Variants in ADGRV1 observed in about 807,000 individuals in gnomAD.
The protein encoded by ADGRV1 is adhesion G protein-coupled receptor V1, also known as G-protein coupled receptor 98.
In ADGRV1, 359 loss-of-function variants were observed where a neutral mutation model predicts 596.2. The observed-to-expected ratio is 0.60, with a 90% CI of 0.55 to 0.66. The LOEUF (loss-of-function observed/expected upper bound fraction) is 0.66. ADGRV1 is among the 30% of genes least tolerant of loss of function. ADGRV1 has a pLI of 0.00. For missense variants in ADGRV1, 7,274 were observed against 7,575.6 expected (o/e 0.96, Z 1.48); for synonymous variants, 2,681 against 2,679.2 (o/e 1.00, Z -0.02).
At chr5:90,594,485 C>CTTTT (rs569370594) in intron 1 of ADGRV1, among the ~76,000 whole-genome samples, 7 of 108,294 alleles carry the variant, frequency 6.5e-5, no homozygotes, top group South Asian at 5.9e-4. Context: ...TCTGGCAGTT[C>CTTTT]TTTTTTTTTT....
intron 85 of ADGRV1, among the ~76,000 whole-genome samples, chr5:91,046,973 C>T (rs186535806): frequency 1.8e-4 from 28 of 152,272 alleles, no homozygotes; most frequent in African/African-American, 6.0e-4. Flanking sequence ...GCAATACCAC[C>T]TTACTCCTAG....
chr5:90,662,885 C>G (rs1361430265), intron 21 of ADGRV1, among the ~76,000 whole-genome samples: 1 of 151,682 alleles, frequency 6.6e-6, no homozygotes, highest in Non-Finnish European at 1.5e-5. Flanking sequence ...TCTTGCGATA[C>G]TTTACTGAGA....
intron 85 of ADGRV1, among the ~76,000 whole-genome samples, chr5:91,012,897 C>T (rs148074132): frequency 2.0e-5 from 3 of 152,068 alleles, no homozygotes; most frequent in African/African-American, 2.4e-5. Flanking sequence ...CAAGTAGACA[C>T]CAATGTCTGT....
At chr5:90,967,137 A>G (rs1274230732) in intron 84 of ADGRV1, among the ~76,000 whole-genome samples, 1 of 152,132 alleles carries the variant, frequency 6.6e-6, no homozygotes, top group East Asian at 1.9e-4. Context: ...GAAGAAGAGA[A>G]CTGAACTATT....
chr5:90,995,398 G>A (rs2151087183), intron 85 of ADGRV1, among the ~76,000 whole-genome samples: 1 of 152,280 alleles, frequency 6.6e-6, no homozygotes, highest in Admixed American at 6.5e-5. Context: ...GTGCCAGAGT[G>A]TACCCAGAAT....
rs373766790 is a variant in ADGRV1 at position 91,119,485 on chromosome 5, C to T, written c.18432+17145C>T. Among the ~76,000 whole-genome samples the T allele has an allele frequency of 4.8e-4, 73 of 152,308 alleles. 2 individuals are homozygous for T. The South Asian group carries it at 0.015, about 31-fold the overall frequency. On this transcript the variant is annotated intron_variant, in intron 87 of 89. Transcript: ENST00000405460. ...TTTTGCCTCTGTGTTACCAACTTAT[C>T]GCCTACCCCCATGGTGGCTTTCATG...
At position 90,778,436 on chromosome 5, in the gene ADGRV1, G is replaced by A. The variant is rs747891433; in HGVS notation, c.12676G>A (p.Asp4226Asn). 2.4e-5 allele frequency: 38 copies of A among 1,612,124 alleles called. No individual in the cohort carries two copies. Among genetic ancestry groups the A allele is most frequent in the Middle Eastern group, 3.3e-4 (2 of 6,076 alleles). The change falls in exon 63 of 90, where the codon GAT (aspartate) becomes AAT (asparagine). Residue 4226 changes from aspartate to asparagine, a missense_variant. Asp to Asn is a conservative substitution (Grantham distance 23). This residue lies in a region of ADGRV1 where 3,643 missense variants were observed against 3,809.2 expected (regional missense o/e 0.96). Transcript: ENST00000405460. ...CTTTGTCTTTTTCTAGGCTTTGAAC[G>A]ATGACATTCCCGAGGAAAAAAGCTT... ...AVIVVIQALNDDIPEEKSFYE... is the reference protein window; with the variant it reads ...AVIVVIQALNNDIPEEKSFYE...
At chr5:90,594,647 G>C (rs1242870420) in intron 1 of ADGRV1, among the ~76,000 whole-genome samples, 1 of 148,872 alleles carries the variant, frequency 6.7e-6, no homozygotes, top group Non-Finnish European at 1.5e-5. Context: ...CACAGCGTTT[G>C]TGTCCCTGGG....
intron 77 of ADGRV1, among the ~76,000 whole-genome samples, chr5:90,831,260 T>C (rs1218444910): frequency 2.0e-5 from 3 of 149,918 alleles, no homozygotes; most frequent in Admixed American, 6.7e-5. Flanking sequence ...CACACACACA[T>C]ACGTATATAT....
chr5:90,807,802 A>G, intron 73 of ADGRV1, 65 bp downstream of exon 73: 1 of 1,403,278 alleles, frequency 7.1e-7, no homozygotes, highest in South Asian at 1.6e-5. Context: ...CATCCATCAA[A>G]ACAGAAAAAG....
intron 85 of ADGRV1, among the ~76,000 whole-genome samples, chr5:91,006,895 C>G (rs1782326156): frequency 6.6e-6 from 1 of 152,162 alleles, no homozygotes; most frequent in Non-Finnish European, 1.5e-5. Flanking sequence ...GTCCCTGTCA[C>G]TGTTGCCACA....
chr5:90,721,514 TAAAATAAAATA>T (rs1262156470), intron 45 of ADGRV1, among the ~76,000 whole-genome samples: 2 of 51,450 alleles, frequency 3.9e-5, no homozygotes, highest in African/African-American at 1.4e-4. Context: ...AAAAATAAAA[TAAAATAAAATA>T]AAAATAAAAA....
intron 1 of ADGRV1, among the ~76,000 whole-genome samples, chr5:90,600,067 A>G (rs1454500832): frequency 6.6e-6 from 1 of 152,178 alleles, no homozygotes; most frequent in Non-Finnish European, 1.5e-5. Flanking sequence ...ATGACACGCA[A>G]ATACCTTGCA....
At chr5:90,739,493 G>C (rs921716122) in intron 50 of ADGRV1, among the ~76,000 whole-genome samples, 2 of 152,178 alleles carry the variant, frequency 1.3e-5, no homozygotes, top group African/African-American at 4.8e-5. Flanking sequence ...TTAGTTGGTA[G>C]TGACCCCAGA....
At chr5:90,986,088 A>AATATAT (rs4019336) in intron 85 of ADGRV1, among the ~76,000 whole-genome samples, 1 of 141,628 alleles carries the variant, frequency 7.1e-6, no homozygotes, top group African/African-American at 2.6e-5. Context: ...ATATATGCAT[A>AATATAT]ATATATATAT....
chr5:90,985,748 T>C (rs1015927142), intron 85 of ADGRV1, among the ~76,000 whole-genome samples: 1 of 152,186 alleles, frequency 6.6e-6, no homozygotes, highest in South Asian at 2.1e-4. Context: ...AAACAGTTCA[T>C]GGTAATTTGT....
At chr5:90,794,417 A>T (rs1760438153) in intron 70 of ADGRV1, among the ~76,000 whole-genome samples, 1 of 152,220 alleles carries the variant, frequency 6.6e-6, no homozygotes. Context: ...TAGGCTTGAA[A>T]TACTTTTTCA....
intron 84 of ADGRV1, among the ~76,000 whole-genome samples, chr5:90,973,485 A>G (rs920213645): frequency 1.3e-5 from 2 of 152,186 alleles, no homozygotes; most frequent in Admixed American, 6.5e-5. Flanking sequence ...CCAGCAGCAC[A>G]TTAAAAGCTT....
chr5:90,584,566 C>A (rs1182222351), intron 1 of ADGRV1, among the ~76,000 whole-genome samples: 1 of 152,188 alleles, frequency 6.6e-6, no homozygotes, highest in Non-Finnish European at 1.5e-5. Context: ...CCACCTGGGG[C>A]TGGAGTATCC....
Sources: gnomAD v4.1 joint callset for allele counts (sites outside exome capture counted in the v4.1 genomes callset) on GRCh38, gnomAD v4.1.1 for gene constraint, gnomAD v4.1.1 regional missense constraint, MANE v1.5 for transcripts, NCBI Gene and HGNC (gene_info 2026-07-23, HGNC 2026-07-21) for gene names.